Variants in NKAIN2 observed in about 807,000 individuals in gnomAD.
The protein encoded by NKAIN2 is sodium/potassium transporting ATPase interacting 2.
Under a neutral mutation model 32.6 loss-of-function variants are expected in NKAIN2, and 14 were observed. The ratio of observed to expected loss-of-function variants is 0.43; its 90% CI spans 0.28 to 0.67. The LOEUF (loss-of-function observed/expected upper bound fraction) is 0.67, where lower values mean the gene tolerates loss of function less well. Among genes scored for constraint, NKAIN2 ranks in the 30% least tolerant of loss-of-function variants. NKAIN2 has a pLI of 0.17. For synonymous variants in NKAIN2, 80 were observed against 87.2 expected, an observed-to-expected ratio of 0.92 and a Z score of 0.46; for missense variants, 198 against 258.3, an observed-to-expected ratio of 0.77 and a Z score of 1.60.
intron 4 of NKAIN2, among the ~76,000 whole-genome samples, chr6:124,664,841 A>G (rs925242532): frequency 6.7e-6 from 1 of 150,264 alleles, no homozygotes; most frequent in African/African-American, 2.4e-5. Flanking sequence ...ATTTCAAGTT[A>G]AAAAACATTA....
At chr6:124,538,001 T>C (rs1253484116) in intron 3 of NKAIN2, among the ~76,000 whole-genome samples, 5 of 152,138 alleles carry the variant, frequency 3.3e-5, no homozygotes, top group Non-Finnish European at 5.9e-5. Flanking sequence ...TGATATCTCA[T>C]TTATTTGTCC....
At chr6:123,812,953 A>G (rs1231238837) in intron 1 of NKAIN2, among the ~76,000 whole-genome samples, 5 of 152,232 alleles carry the variant, frequency 3.3e-5, no homozygotes, top group Non-Finnish European at 7.3e-5. Flanking sequence ...ATAAGGAGAT[A>G]TTTCAAATCC....
intron 5 of NKAIN2, among the ~76,000 whole-genome samples, chr6:124,806,893 G>A (rs1260241197): frequency 6.6e-6 from 1 of 152,122 alleles, no homozygotes; most frequent in Non-Finnish European, 1.5e-5. Flanking sequence ...AGACAAAGAA[G>A]GCCATTACAT....
intron 3 of NKAIN2, among the ~76,000 whole-genome samples, chr6:124,628,876 T>A (rs2114296927): frequency 6.6e-6 from 1 of 152,294 alleles, no homozygotes; most frequent in South Asian, 2.1e-4. Context: ...ATAAAATAGC[T>A]GTACAAATAT....
intron 1 of NKAIN2, among the ~76,000 whole-genome samples, chr6:124,196,542 AACAGGT>A (rs1790322866): frequency 6.6e-6 from 1 of 152,070 alleles, no homozygotes; most frequent in African/African-American, 2.4e-5. Context: ...TTAACACTGA[AACAGGT>A]TTCAATTTGT....
intron 1 of NKAIN2, among the ~76,000 whole-genome samples, chr6:124,028,987 T>C (rs1272551705): frequency 6.7e-6 from 1 of 149,510 alleles, no homozygotes; most frequent in Non-Finnish European, 1.5e-5. Context: ...CAACCAGAAA[T>C]AAGCAATTTA....
chr6:124,530,142 A>G (rs1157633348), intron 3 of NKAIN2, among the ~76,000 whole-genome samples: 1 of 152,212 alleles, frequency 6.6e-6, no homozygotes, highest in Non-Finnish European at 1.5e-5. Context: ...AAATCCACAT[A>G]TAACTTTTAA....
At chr6:124,194,051 G>A (rs918932558) in intron 1 of NKAIN2, among the ~76,000 whole-genome samples, 3 of 152,078 alleles carry the variant, frequency 2.0e-5, no homozygotes, top group African/African-American at 7.2e-5. Context: ...TGAGTCTGGG[G>A]CTTTTATGGG....
intron 4 of NKAIN2, among the ~76,000 whole-genome samples, chr6:124,717,614 T>C (rs1775812732): frequency 1.3e-5 from 2 of 152,172 alleles, no homozygotes; most frequent in Non-Finnish European, 2.9e-5. Flanking sequence ...ATAACAATAA[T>C]AAGCCTTAAT....
chr6:124,395,488 A>T (rs1198714389), intron 3 of NKAIN2, among the ~76,000 whole-genome samples: 35 of 152,188 alleles, frequency 2.3e-4, no homozygotes, highest in Admixed American at 2.3e-3. Context: ...GTAAACACAT[A>T]ATGTTGCATT....
At chr6:124,807,585 A>G (rs1382664953) in intron 5 of NKAIN2, among the ~76,000 whole-genome samples, 2 of 146,342 alleles carry the variant, frequency 1.4e-5, no homozygotes, top group Non-Finnish European at 3.0e-5. Flanking sequence ...AAGAACTAGA[A>G]AAGCAAGAGC....
chr6:124,432,352 G>A (rs1775255581), intron 3 of NKAIN2, among the ~76,000 whole-genome samples: 1 of 152,154 alleles, frequency 6.6e-6, no homozygotes, highest in Non-Finnish European at 1.5e-5. Flanking sequence ...TCCATAACTA[G>A]GTTCAGTTGT....
At chr6:124,447,030 C>A (rs1775921649) in intron 3 of NKAIN2, among the ~76,000 whole-genome samples, 1 of 152,054 alleles carries the variant, frequency 6.6e-6, no homozygotes, top group African/African-American at 2.4e-5. Flanking sequence ...GGTTGAGATA[C>A]CCTGGATGGC....
intron 5 of NKAIN2, among the ~76,000 whole-genome samples, chr6:124,799,898 C>G (rs1315714374): frequency 9.9e-5 from 15 of 152,134 alleles, no homozygotes. Flanking sequence ...CCTGGACTAG[C>G]TACCTCACCA....
At chr6:124,717,328 T>C (rs1775801571) in intron 4 of NKAIN2, among the ~76,000 whole-genome samples, 2 of 152,208 alleles carry the variant, frequency 1.3e-5, no homozygotes, top group South Asian at 4.1e-4. Flanking sequence ...TTGGTGATAC[T>C]CAATAAATAT....
chr6:124,767,975 T>A (rs991210176), intron 4 of NKAIN2, among the ~76,000 whole-genome samples: 9 of 152,198 alleles, frequency 5.9e-5, no homozygotes, highest in Non-Finnish European at 1.3e-4. Flanking sequence ...TAGTTTTACA[T>A]CATATCATGT....
At chr6:124,555,180 G>T (rs1446203732) in intron 3 of NKAIN2, among the ~76,000 whole-genome samples, 1 of 152,186 alleles carries the variant, frequency 6.6e-6, no homozygotes, top group Non-Finnish European at 1.5e-5. Flanking sequence ...CTTCCATGCT[G>T]GGCACAGTCT....
At chr6:123,822,433 G>A (rs1260801675) in intron 1 of NKAIN2, among the ~76,000 whole-genome samples, 1 of 152,106 alleles carries the variant, frequency 6.6e-6, no homozygotes, top group African/African-American at 2.4e-5. Flanking sequence ...CTGGTATTGT[G>A]GAATACAAGG....
At chr6:124,209,489 A>G (rs1791061383) in intron 1 of NKAIN2, among the ~76,000 whole-genome samples, 1 of 151,766 alleles carries the variant, frequency 6.6e-6, no homozygotes. Context: ...TCTGGATCGT[A>G]TGTTAGTTCT....
Sources: allele counts gnomAD v4.1 joint callset (sites outside exome capture counted in the v4.1 genomes callset), GRCh38; gene constraint gnomAD v4.1.1; transcripts MANE v1.5; gene names NCBI Gene and HGNC (gene_info 2026-07-23, HGNC 2026-07-21).